Variants in RIMKLB observed in about 807,000 individuals in gnomAD.
The protein encoded by RIMKLB is beta-citrylglutamate synthase B.
In RIMKLB, 7 loss-of-function variants were observed where a neutral mutation model predicts 32.0. That is an observed-to-expected ratio of 0.22 (90% CI 0.12 to 0.41). The LOEUF (loss-of-function observed/expected upper bound fraction) is 0.41. Among genes scored for constraint, RIMKLB ranks in the 10% least tolerant of loss-of-function variants. The pLI is 1.00. For missense variants in RIMKLB, 289 were observed against 498.7 expected (o/e 0.58, Z 4.00); for synonymous variants, 172 against 185.1 (o/e 0.93, Z 0.57).
chr12:8,700,360 G>A (rs908087054), intron 1 of RIMKLB: 2 of 152,210 alleles, frequency 1.3e-5, no homozygotes, highest in Non-Finnish European at 2.9e-5. Context: ...GCTGGGGTAA[G>A]TCACTAGATT....
At chr12:8,722,036 G>A (rs1452274121) in intron 2 of RIMKLB, among the ~76,000 whole-genome samples, 4 of 152,050 alleles carry the variant, frequency 2.6e-5, no homozygotes, top group Admixed American at 6.6e-5. Context: ...GAGCCACCGC[G>A]CCTGGCCTAT....
chr12:8,684,220 C>A (rs747904220), intron 1 of RIMKLB, among the ~76,000 whole-genome samples: 1 of 152,058 alleles, frequency 6.6e-6, no homozygotes, highest in Admixed American at 6.6e-5. Flanking sequence ...GCCACCCAGG[C>A]TGGAGTGCAG....
At chr12:8,700,173 A>G (rs1943265559) in intron 1 of RIMKLB, 1 of 152,188 alleles carries the variant, frequency 6.6e-6, no homozygotes, top group Admixed American at 6.5e-5. Context: ...AAACTCTTCT[A>G]AATCTTCCAC....
chr12:8,699,771 C>G (rs1258964391), intron 1 of RIMKLB: 2 of 152,190 alleles, frequency 1.3e-5, no homozygotes, highest in African/African-American at 2.4e-5. Context: ...CTTGTCTTCT[C>G]TTACCCCTAC....
upstream of RIMKLB, among the ~76,000 whole-genome samples, chr12:8,676,893 G>A (rs914441672): frequency 6.7e-6 from 1 of 149,546 alleles, no homozygotes; most frequent in Non-Finnish European, 1.5e-5. Context: ...TGACTACCAA[G>A]GGACTCTATT....
At chr12:8,756,020 G>A (rs1948991252) in intron 5 of RIMKLB, among the ~76,000 whole-genome samples, 2 of 151,822 alleles carry the variant, frequency 1.3e-5, no homozygotes, top group African/African-American at 2.4e-5. Flanking sequence ...AGGTGCAGTG[G>A]CACATTCCTG....
At chr12:8,692,477 C>G (rs1942758964), upstream of RIMKLB, among the ~76,000 whole-genome samples, 1 of 152,086 alleles carries the variant, frequency 6.6e-6, no homozygotes. Context: ...GTCAAGGAAT[C>G]TGCATTTTAA....
intron 3 of RIMKLB, among the ~76,000 whole-genome samples, chr12:8,750,304 G>A (rs778217463): frequency 6.6e-6 from 1 of 152,140 alleles, no homozygotes; most frequent in Non-Finnish European, 1.5e-5. Context: ...AAGATTGTAA[G>A]TATTTTAGGT....
chr12:8,735,755 A>AGT (rs1426565376), intron 2 of RIMKLB, among the ~76,000 whole-genome samples: 1 of 150,680 alleles, frequency 6.6e-6, no homozygotes, highest in East Asian at 1.9e-4. Flanking sequence ...TTTAAGACGT[A>AGT]GTTTCGCTCT....
rs1196595955 is a variant in RIMKLB at position 8,730,831 on chromosome 12, C to G, written c.175+16790C>G. Reference sequence around the variant, plus strand: ...CTCGGCCCACTGCAACCTCCTCCTCCCAGGTTCCAGAGATTCTCCTGTCTC... The same window carrying G: ...CTCGGCCCACTGCAACCTCCTCCTCGCAGGTTCCAGAGATTCTCCTGTCTC... On this transcript the variant is annotated intron_variant, in intron 2 of 5. Transcript: ENST00000535829. Among the ~76,000 whole-genome samples, 3 of 149,718 alleles carry G rather than the reference C, an allele frequency of 2.0e-5. No individual in the cohort carries two copies. The South Asian group carries it at 6.4e-4, about 32-fold the overall frequency.
At chr12:8,755,412 G>GT (rs1464362400) in intron 5 of RIMKLB, among the ~76,000 whole-genome samples, 18 of 152,076 alleles carry the variant, frequency 1.2e-4, no homozygotes, top group Non-Finnish European at 4.4e-5. Flanking sequence ...CTCTCTATTG[G>GT]TTAATGACAG....
chr12:8,744,829 G>C (rs553473135), intron 2 of RIMKLB, among the ~76,000 whole-genome samples: 1 of 151,356 alleles, frequency 6.6e-6, no homozygotes, highest in Non-Finnish European at 1.5e-5. Flanking sequence ...TCTAATTTTT[G>C]CATTTTTTAA....
At chr12:8,771,337 G>A (rs1478881874) in intron 5 of RIMKLB, among the ~76,000 whole-genome samples, 1 of 152,076 alleles carries the variant, frequency 6.6e-6, no homozygotes, top group Non-Finnish European at 1.5e-5. Flanking sequence ...GGCTGTGAAA[G>A]ATTAGAGTCC....
At chr12:8,752,200 A>G (rs778318466) in intron 4 of RIMKLB, among the ~76,000 whole-genome samples, 157 bp downstream of exon 4, 2 of 152,174 alleles carry the variant, frequency 1.3e-5, no homozygotes, top group Non-Finnish European at 2.9e-5. Flanking sequence ...GCTAAAAGCT[A>G]TTTGTTTAGT....
intron 5 of RIMKLB, among the ~76,000 whole-genome samples, chr12:8,768,242 G>C (rs749473335): frequency 6.6e-6 from 1 of 152,352 alleles, no homozygotes; most frequent in South Asian, 2.1e-4. Context: ...ATCAGGAGCA[G>C]CAATGGGTGC....
the RIMKLB span, among the ~76,000 whole-genome samples, chr12:8,671,504 C>A: frequency 6.6e-6 from 1 of 152,146 alleles, no homozygotes; most frequent in South Asian, 2.1e-4. Flanking sequence ...CCCGCCTCGG[C>A]CTTCCAGCGT....
intron 1 of RIMKLB, among the ~76,000 whole-genome samples, chr12:8,703,061 G>A (rs1591640142): frequency 6.6e-6 from 1 of 152,184 alleles, no homozygotes; most frequent in African/African-American, 2.4e-5. Context: ...CAAGATGGGT[G>A]GATCACCTAA....
intron 2 of RIMKLB, among the ~76,000 whole-genome samples, chr12:8,732,934 G>A (rs1026524475): frequency 1.3e-4 from 20 of 151,922 alleles, no homozygotes; most frequent in African/African-American, 2.7e-4. Context: ...ACAATATACC[G>A]CATAGGTCTT....
downstream of RIMKLB, chr12:8,779,867 T>C (rs1413651065): frequency 1.3e-5 from 2 of 151,874 alleles, no homozygotes; most frequent in Non-Finnish European, 2.9e-5. Flanking sequence ...TTTGTCATTC[T>C]GTCTCCCCTT....
Sources: gnomAD v4.1 joint callset for allele counts (sites outside exome capture counted in the v4.1 genomes callset) on GRCh38, gnomAD v4.1.1 for gene constraint, MANE v1.5 for transcripts, NCBI Gene and HGNC (gene_info 2026-07-23, HGNC 2026-07-21) for gene names.